Variants in NFIB observed in about 807,000 individuals in gnomAD.
NFIB encodes nuclear factor I B.
In NFIB, 11 loss-of-function variants were observed where a neutral mutation model predicts 61.5. The observed-to-expected ratio is 0.18, with a 90% confidence interval of 0.11 to 0.30. The LOEUF (loss-of-function observed/expected upper bound fraction) is 0.30. Among genes scored for constraint, NFIB ranks in the 10% least tolerant of loss-of-function variants. The pLI, the probability that NFIB is intolerant of heterozygous loss-of-function variation, is 1.00. For synonymous variants in NFIB, 260 were observed against 216.5 expected (o/e 1.20, Z -1.76); for missense variants, 471 against 608.9 (o/e 0.77, Z 2.38).
intron 1 of NFIB, among the ~76,000 whole-genome samples, chr9:14,346,903 C>A (rs936387614): frequency 6.6e-5 from 10 of 152,152 alleles, no homozygotes; most frequent in Non-Finnish European, 1.3e-4. Flanking sequence ...AAACCCGCTG[C>A]ATCGACAGCT....
At chr9:14,472,257 C>T in the NFIB span, among the ~76,000 whole-genome samples, 2 of 152,144 alleles carry the variant, frequency 1.3e-5, no homozygotes, top group Admixed American at 1.3e-4. Context: ...TGAAATACTC[C>T]CAGACTAGGT....
chr9:14,512,269 G>C, the NFIB span, among the ~76,000 whole-genome samples: 1 of 152,072 alleles, frequency 6.6e-6, no homozygotes, highest in Non-Finnish European at 1.5e-5. Context: ...CTTTTAGAGG[G>C]GTTCAGAGTA....
At chr9:14,407,814 T>TCCCACCTC in the NFIB span, among the ~76,000 whole-genome samples, 1,169 of 152,194 alleles carry the variant, frequency 7.7e-3, 13 homozygotes, top group African/African-American at 0.027. Context: ...GCCTCCTGAG[T>TCCCACCTC]AGCTGGGACT....
chr9:14,311,419 A>C (rs1251869872), intron 1 of NFIB, among the ~76,000 whole-genome samples: 1 of 152,184 alleles, frequency 6.6e-6, no homozygotes, highest in African/African-American at 2.4e-5. Flanking sequence ...TATTACCTGC[A>C]AAGTCACATG....
upstream of NFIB, among the ~76,000 whole-genome samples, chr9:14,318,341 A>G (rs565322888): frequency 5.3e-5 from 8 of 152,304 alleles, no homozygotes; most frequent in African/African-American, 1.7e-4. Context: ...GCCTTTCACT[A>G]CGGATCTCCA....
Position 14,313,735 on chromosome 9 carries a change from T to G in NFIB, c.-224A>C, listed in dbSNP as rs533084705. On this transcript the variant is annotated 5_prime_UTR_variant, in exon 1 of 11. Transcript: ENST00000380953. This position sits in a 1 kb window ranked among gnomAD's most constrained non-coding sequence, Gnocchi z 4.5. ...AGATTTCCAGGGGTGAAATCCAATC[T>G]ACACTTTTAACCCTCTTGCAGTCCG... 52 of 1,409,000 alleles carry G rather than the reference T, an allele frequency of 3.7e-5. No homozygotes were observed. The South Asian group carries it at 7.8e-4, about 21-fold the overall frequency. The allele number at this position is 1,409,000 out of a possible 1,614,324, so 87.3% of individuals were successfully genotyped here.
At chr9:14,214,721 C>G (rs7040930) in intron 2 of NFIB, among the ~76,000 whole-genome samples, 85,313 of 152,128 alleles carry the variant, frequency 0.56, 26,654 homozygotes, top group African/African-American at 0.85. Context: ...CCCATATTTT[C>G]AGTCTCTGTT....
chr9:14,150,106 T>A (rs1381919909), intron 5 of NFIB, 39 bp downstream of exon 5: 3 of 1,612,238 alleles, frequency 1.9e-6, no homozygotes, highest in East Asian at 2.2e-5. Flanking sequence ...AACCTATGTG[T>A]GTATCACTTG....
At chr9:14,192,156 C>A (rs913910771) in intron 2 of NFIB, among the ~76,000 whole-genome samples, 1 of 152,180 alleles carries the variant, frequency 6.6e-6, no homozygotes, top group African/African-American at 2.4e-5. Context: ...TGCTTCTAAT[C>A]AGACAAGATC....
the NFIB span, among the ~76,000 whole-genome samples, chr9:14,411,329 T>C: frequency 6.6e-6 from 1 of 152,206 alleles, no homozygotes; most frequent in South Asian, 2.1e-4. Flanking sequence ...ATCCGGTACA[T>C]TTATGACCCA....
At chr9:14,415,484 C>T in the NFIB span, among the ~76,000 whole-genome samples, 1 of 152,206 alleles carries the variant, frequency 6.6e-6, no homozygotes, top group African/African-American at 2.4e-5. Flanking sequence ...ACTCAAAGGC[C>T]GGTGACTGCA....
At chr9:14,226,208 G>A (rs780709388) in intron 2 of NFIB, among the ~76,000 whole-genome samples, 1 of 151,884 alleles carries the variant, frequency 6.6e-6, no homozygotes, top group Non-Finnish European at 1.5e-5. Flanking sequence ...ACAATATTTG[G>A]ATAACTTTTT....
At chr9:14,418,039 A>G in the NFIB span, among the ~76,000 whole-genome samples, 1 of 152,118 alleles carries the variant, frequency 6.6e-6, no homozygotes, top group Non-Finnish European at 1.5e-5. Flanking sequence ...TCGGCCTCCC[A>G]AAGTGTTGGG....
At chr9:14,306,389 C>A (rs1403981387) in intron 2 of NFIB, among the ~76,000 whole-genome samples, 1 of 152,090 alleles carries the variant, frequency 6.6e-6, no homozygotes, top group Admixed American at 6.6e-5. Context: ...GAATATTGCA[C>A]AATCAAAAGT....
chr9:14,230,339 T>C (rs944574421), intron 2 of NFIB, among the ~76,000 whole-genome samples: 3 of 152,210 alleles, frequency 2.0e-5, no homozygotes, highest in Non-Finnish European at 4.4e-5. Context: ...CCAAGCTATA[T>C]GACTATTTCC....
chr9:14,374,374 A>C (rs1411963352), intron 1 of NFIB, among the ~76,000 whole-genome samples: 1 of 152,290 alleles, frequency 6.6e-6, no homozygotes, highest in Middle Eastern at 3.4e-3. Context: ...CCACATGGAA[A>C]ATAAGTGAGA....
At chr9:14,473,075 C>T in the NFIB span, among the ~76,000 whole-genome samples, 1 of 152,114 alleles carries the variant, frequency 6.6e-6, no homozygotes, top group Non-Finnish European at 1.5e-5. Flanking sequence ...AACCCCACAC[C>T]CTACCTAAGG....
At position 14,120,647 on chromosome 9, in the gene NFIB, G is replaced by A; in HGVS notation, c.1061-23C>T. 6.4e-7 allele frequency: 1 copy of A among 1,571,234 alleles called. No homozygotes were observed. The highest frequency in any genetic ancestry group is 8.6e-7 in the Non-Finnish European group (1 of 1,161,136). On this transcript the variant is annotated intron_variant, in intron 7 of 10. Transcript: ENST00000380953. This position sits in a 1 kb window ranked among gnomAD's most constrained non-coding sequence, Gnocchi z 4.4. ...TGACTGCAGAAGACAGAAAAGGAAA[G>A]ATTGACTCATCAGCTGGTTACCTTA...
intron 1 of NFIB, among the ~76,000 whole-genome samples, chr9:14,375,223 C>G (rs576677169): frequency 2.0e-4 from 31 of 152,338 alleles, no homozygotes; most frequent in African/African-American, 7.5e-4. Flanking sequence ...CTCTTTCTAT[C>G]TCTCTGCTCT....
Sources: allele counts gnomAD v4.1 joint callset (sites outside exome capture counted in the v4.1 genomes callset), GRCh38; gene constraint gnomAD v4.1.1; non-coding constraint Gnocchi (gnomAD v3.1); transcripts MANE v1.5; gene names NCBI Gene and HGNC (gene_info 2026-07-23, HGNC 2026-07-21).